CUX1: variants seen among roughly 807,000 people sequenced by gnomAD.
CUX1 encodes the protein cut like homeobox 1.
CUX1 carries 31 observed loss-of-function variants against 158.8 expected under a neutral mutation model. The ratio of observed to expected loss-of-function variants is 0.20; its 90% CI spans 0.15 to 0.26. CUX1 has a LOEUF of 0.26. CUX1 is among the 10% of genes least tolerant of loss of function. The pLI is 1.00. For synonymous variants in CUX1, 879 were observed against 862.1 expected, an observed-to-expected ratio of 1.02 and a Z score of -0.34; for missense variants, 1,589 against 2,014.6, an observed-to-expected ratio of 0.79 and a Z score of 4.04.
intron 4 of CUX1, among the ~76,000 whole-genome samples, chr7:102,085,846 GCAGT>G (rs1379455431): frequency 6.6e-6 from 1 of 152,144 alleles, no homozygotes; most frequent in Non-Finnish European, 1.5e-5. Flanking sequence ...GTATAAGATT[GCAGT>G]TATTTTTTCG....
At chr7:101,907,470 T>C (rs1802887805) in intron 1 of CUX1, among the ~76,000 whole-genome samples, 1 of 152,174 alleles carries the variant, frequency 6.6e-6, no homozygotes, top group Non-Finnish European at 1.5e-5. Flanking sequence ...TGTCTCAGCC[T>C]CCCGAATAGC....
intron 6 of CUX1, among the ~76,000 whole-genome samples, chr7:102,107,784 G>A (rs562348867): frequency 4.1e-4 from 62 of 152,308 alleles, no homozygotes; most frequent in Admixed American, 3.5e-3. Context: ...ACTGGCACCT[G>A]CCCATCTCTG....
chr7:101,947,387 G>A (rs1000430884), intron 2 of CUX1, among the ~76,000 whole-genome samples: 4 of 152,146 alleles, frequency 2.6e-5, no homozygotes, highest in East Asian at 1.9e-4. Context: ...GCGAGACTCC[G>A]TCTCAAAAAA....
In CUX1 at chr7:102,204,532, G is replaced by T; in HGVS notation, c.3049G>T (p.Val1017Phe). Reference sequence around the variant, plus strand: ...CGAGCTAGGCCAGGGTGTTCTACCCGTCCAGGGCCAGCAGCAAGGGCCAGG... The same window carrying T: ...CGAGCTAGGCCAGGGTGTTCTACCCTTCCAGGGCCAGCAGCAAGGGCCAGG... Reference protein sequence around the residue: ...NGELGQGVLPVQGQQQGPVLH... With the variant: ...NGELGQGVLPFQGQQQGPVLH... Residue 1017 changes from valine (V) to phenylalanine (F), a missense_variant, in exon 19 of 24, where the codon GTC becomes TTC. This residue lies in a region of CUX1 where 259 missense variants were observed against 373.8 expected (regional missense o/e 0.69). Coordinates refer to ENST00000292535, the MANE Select transcript of CUX1 (RefSeq NM_181552.4). 2 of 1,613,466 alleles carry T rather than the reference G, an allele frequency of 1.2e-6. No homozygotes were observed. Among genetic ancestry groups the T allele is most frequent in the Non-Finnish European group, 1.7e-6 (2 of 1,179,948 alleles).
chr7:102,248,471 C>A lies in CUX1; in HGVS notation c.3947C>A (p.Ala1316Glu), dbSNP rs549641095. The A allele has an allele frequency of 1.9e-5, 31 of 1,593,354 alleles. No individual in the cohort carries two copies. The African/African-American group carries it at 3.9e-4, about 20-fold the overall frequency. ...EEIQAGSQGQ[A>E]GASDSPSARS... The stretch of plus-strand genomic sequence containing the variant: ...ATTCAGGCCGGGAGTCAGGGCCAGG[C>A]GGGCGCCAGCGACTCACCCTCGGCC... The change falls in exon 24 of 24, where the codon GCG becomes GAG. Residue 1316 changes from alanine (A) to glutamate (E), a missense_variant. Physicochemically the swap from Ala to Glu is moderately radical, Grantham distance 107 (BLOSUM62 -1). Transcript: ENST00000292535. The surrounding 1 kb of genome is among the most constrained non-coding windows in gnomAD (Gnocchi z 5.8).
intron 3 of CUX1, 64 bp downstream of exon 3, chr7:102,028,209 A>G: frequency 6.5e-7 from 1 of 1,549,638 alleles, no homozygotes. Flanking sequence ...CTTTTTATTC[A>G]CATTAAAGAA....
At chr7:102,109,038 T>G (rs1443576109) in intron 6 of CUX1, among the ~76,000 whole-genome samples, 3 of 152,094 alleles carry the variant, frequency 2.0e-5, no homozygotes, top group African/African-American at 7.2e-5. Flanking sequence ...ACAGGCGTCA[T>G]TCTTTATAAC....
At chr7:102,066,515 A>G (rs1412011239) in intron 3 of CUX1, among the ~76,000 whole-genome samples, 1 of 152,172 alleles carries the variant, frequency 6.6e-6, no homozygotes, top group Non-Finnish European at 1.5e-5. Context: ...AGACAGGAGG[A>G]CAGAGTTCAG....
chr7:102,237,953 CAAAG>C (rs1281589598), intron 22 of CUX1, among the ~76,000 whole-genome samples: 1 of 152,130 alleles, frequency 6.6e-6, no homozygotes. Context: ...AGAGAGGAGA[CAAAG>C]AGAGAAACAA....
At chr7:102,072,984 A>G (rs531794348) in intron 4 of CUX1, among the ~76,000 whole-genome samples, 6 of 151,940 alleles carry the variant, frequency 3.9e-5, no homozygotes, top group Admixed American at 2.6e-4. Flanking sequence ...GCTCCATTCT[A>G]TTCCAAGAAG....
chr7:102,092,983 G>A (rs782627062), intron 4 of CUX1, among the ~76,000 whole-genome samples: 1 of 150,688 alleles, frequency 6.6e-6, no homozygotes, highest in Non-Finnish European at 1.5e-5. Context: ...CTCCAGGAGC[G>A]CTCTTCCACT....
intron 17 of CUX1, among the ~76,000 whole-genome samples, chr7:102,277,608 TAATAAA>T (rs1225485586): frequency 6.6e-6 from 1 of 151,494 alleles, no homozygotes; most frequent in African/African-American, 2.4e-5. Flanking sequence ...ATCAAAAAAA[TAATAAA>T]AATAAAAATA....
At chr7:102,193,161 G>A (rs1229986444) in intron 12 of CUX1, among the ~76,000 whole-genome samples, 2 of 152,268 alleles carry the variant, frequency 1.3e-5, no homozygotes, top group African/African-American at 4.8e-5. Flanking sequence ...GTGCCAGTTA[G>A]GAGTGAGGTG....
intron 3 of CUX1, among the ~76,000 whole-genome samples, chr7:102,062,822 T>A (rs906728058): frequency 6.6e-6 from 1 of 151,016 alleles, no homozygotes; most frequent in African/African-American, 2.4e-5. Flanking sequence ...ATGTAACACT[T>A]AGCCGGGTGC....
chr7:102,049,486 T>G (rs1452064223), intron 3 of CUX1, among the ~76,000 whole-genome samples: 2 of 151,996 alleles, frequency 1.3e-5, no homozygotes, highest in East Asian at 3.9e-4. Flanking sequence ...TATAATTGAT[T>G]TAGAAGTAGG....
chr7:101,956,283 C>T (rs772560398), intron 2 of CUX1, among the ~76,000 whole-genome samples: 4 of 152,050 alleles, frequency 2.6e-5, no homozygotes, highest in African/African-American at 9.7e-5. Context: ...AGTTAAACAG[C>T]GGCCTCTCCG....
At chr7:102,180,248 C>T (rs1696262283) in intron 11 of CUX1, among the ~76,000 whole-genome samples, 1 of 151,804 alleles carries the variant, frequency 6.6e-6, no homozygotes, top group Admixed American at 6.6e-5. Flanking sequence ...GTCTCAAACT[C>T]CTGACCTCAG....
At chr7:101,846,085 T>G (rs746113155) in intron 1 of CUX1, among the ~76,000 whole-genome samples, 3 of 152,048 alleles carry the variant, frequency 2.0e-5, no homozygotes, top group Non-Finnish European at 4.4e-5. Context: ...TTTATGAGAT[T>G]GTCAGGTGAA....
intron 8 of CUX1, among the ~76,000 whole-genome samples, chr7:102,156,747 C>T (rs1789804603): frequency 6.6e-6 from 1 of 152,284 alleles, no homozygotes; most frequent in Admixed American, 6.5e-5. Context: ...GGGCTGTCCC[C>T]AGGAGTAGAC....
Sources: gnomAD v4.1 joint callset for allele counts (sites outside exome capture counted in the v4.1 genomes callset) on GRCh38, gnomAD v4.1.1 for gene constraint, gnomAD v4.1.1 regional missense constraint, Gnocchi (gnomAD v3.1) non-coding constraint, MANE v1.5 for transcripts, NCBI Gene and HGNC (gene_info 2026-07-23, HGNC 2026-07-21) for gene names.